The following ARHGEF12 variants were observed in gnomAD, a reference collection of about 807,000 sequenced individuals.
ARHGEF12 encodes Rho guanine nucleotide exchange factor 12, also known as KMT2A/ARHGEF12 fusion protein.
ARHGEF12 carries 66 observed loss-of-function variants against 211.2 expected under a neutral mutation model. The ratio of observed to expected loss-of-function variants is 0.31; its 90% confidence interval spans 0.26 to 0.38. The LOEUF (loss-of-function observed/expected upper bound fraction) is 0.38, where lower values mean the gene tolerates loss of function less well. Among genes scored for constraint, ARHGEF12 ranks in the 10% least tolerant of loss-of-function variants. ARHGEF12 has a pLI of 1.00. For synonymous variants in ARHGEF12, 592 were observed against 638.4 expected, an observed-to-expected ratio of 0.93 and a Z score of 1.09; for missense variants, 1,429 against 1,869.5, an observed-to-expected ratio of 0.76 and a Z score of 4.34.
chr11:120,358,354 G>C lies in ARHGEF12; in HGVS notation c.32+21079G>C, dbSNP rs567210191. On this transcript the variant is annotated intron_variant, in intron 1 of 40. Transcript: ENST00000397843. ...GTCAAAGTGTGGGGCTTTCTGGGTT[G>C]TGTCCTTGGGTAGGGGTTGGTAATA... 2.1e-3 allele frequency among the ~76,000 whole-genome samples: 313 copies of C among 152,262 alleles called. 1 individual carries two copies. Among genetic ancestry groups the C allele is most frequent in the Non-Finnish European group, 3.5e-3 (240 of 68,026 alleles).
At chr11:120,371,438 A>G (rs767968924) in intron 1 of ARHGEF12, among the ~76,000 whole-genome samples, 8 of 152,236 alleles carry the variant, frequency 5.3e-5, no homozygotes, top group Non-Finnish European at 8.8e-5. Flanking sequence ...CTGTGAGCTG[A>G]GATCGTGCCA....
At chr11:120,347,169 TTC>T (rs1565417088) in intron 1 of ARHGEF12, among the ~76,000 whole-genome samples, 4 of 77,844 alleles carry the variant, frequency 5.1e-5, no homozygotes, top group East Asian at 7.6e-4. Flanking sequence ...CCTTCCTTCC[TTC>T]CTTCCTTCCT....
At chr11:120,459,789 A>G (rs925308038) in intron 26 of ARHGEF12, among the ~76,000 whole-genome samples, 2 of 152,026 alleles carry the variant, frequency 1.3e-5, no homozygotes, top group African/African-American at 2.4e-5. Context: ...GCTCACTGCA[A>G]CCTCTGCCCC....
chr11:120,417,928 A>G (rs1272691378), intron 4 of ARHGEF12, among the ~76,000 whole-genome samples: 2 of 152,202 alleles, frequency 1.3e-5, no homozygotes, highest in Non-Finnish European at 1.5e-5. Context: ...CAGATAACAA[A>G]GGTTGAATTC....
intron 1 of ARHGEF12, among the ~76,000 whole-genome samples, chr11:120,351,437 ATATATATATATATATATATTTTTTTTTT>A (rs1284477133): frequency 9.1e-4 from 3 of 3,292 alleles, no homozygotes; most frequent in African/African-American, 5.6e-3. Context: ...ATATATATAT[ATATATATATATATATATATTTTTTTTTT>A]TTTTTTTTTT....
intron 1 of ARHGEF12, among the ~76,000 whole-genome samples, chr11:120,383,184 G>A (rs930398294): frequency 1.3e-5 from 2 of 151,988 alleles, no homozygotes; most frequent in Non-Finnish European, 2.9e-5. Context: ...CCAGGTGTTG[G>A]TGAAGGCAGC....
At chr11:120,416,667 T>C (rs952189991) in intron 4 of ARHGEF12, among the ~76,000 whole-genome samples, 1 of 152,230 alleles carries the variant, frequency 6.6e-6, no homozygotes, top group African/African-American at 2.4e-5. Flanking sequence ...GATCCTCTTT[T>C]TTTTTTGAGA....
intron 29 of ARHGEF12, 49 bp downstream of exon 29, chr11:120,467,357 A>G (rs745505498): frequency 3.6e-6 from 4 of 1,116,620 alleles, no homozygotes; most frequent in East Asian, 2.4e-5. Flanking sequence ...CAACAACGAA[A>G]CACCCAATAT....
At chr11:120,442,344 G>T in intron 15 of ARHGEF12, 142 bp downstream of exon 15, 7 of 512,748 alleles carry the variant, frequency 1.4e-5, no homozygotes, top group South Asian at 6.7e-5. Flanking sequence ...GATTACTCTA[G>T]ACTTTTTTTT....
intron 37 of ARHGEF12, among the ~76,000 whole-genome samples, 166 bp from the exon 38 acceptor site, chr11:120,479,794 G>A (rs1282973410): frequency 1.3e-5 from 2 of 152,152 alleles, no homozygotes; most frequent in African/African-American, 2.4e-5. Flanking sequence ...GAAAATGATT[G>A]TATGAAGTAA....
chr11:120,399,915 TATTAGAC>T (rs955668124), intron 1 of ARHGEF12, among the ~76,000 whole-genome samples: 7 of 99,714 alleles, frequency 7.0e-5, no homozygotes, highest in Non-Finnish European at 1.5e-4. Context: ...AGTAAAATAT[TATTAGAC>T]AGTATTTTTT....
intron 1 of ARHGEF12, among the ~76,000 whole-genome samples, chr11:120,353,787 C>G (rs1565422754): frequency 6.6e-6 from 1 of 152,054 alleles, no homozygotes; most frequent in South Asian, 2.1e-4. Flanking sequence ...ACACTGGGTT[C>G]CTCCCCTGAC....
chr11:120,377,932 C>A (rs1367431028), intron 1 of ARHGEF12, among the ~76,000 whole-genome samples: 1 of 151,650 alleles, frequency 6.6e-6, no homozygotes, highest in Non-Finnish European at 1.5e-5. Flanking sequence ...TTAAAAAATT[C>A]TTTTATTTAT....
chr11:120,375,950 G>C (rs977206773), intron 1 of ARHGEF12, among the ~76,000 whole-genome samples: 1 of 151,978 alleles, frequency 6.6e-6, no homozygotes, highest in Non-Finnish European at 1.5e-5. Context: ...TTTTTCTTAC[G>C]ATTTGACTGG....
At chr11:120,431,459 T>G (rs1945530523) in intron 10 of ARHGEF12, among the ~76,000 whole-genome samples, 1 of 152,170 alleles carries the variant, frequency 6.6e-6, no homozygotes, top group African/African-American at 2.4e-5. Context: ...ACAATATAAA[T>G]TATATAAATA....
At chr11:120,409,804 A>T (rs966246345) in intron 4 of ARHGEF12, 6 of 182,746 alleles carry the variant, frequency 3.3e-5, no homozygotes, top group Non-Finnish European at 6.8e-5. Flanking sequence ...CCCACATCTC[A>T]TTTGCAGAGT....
At chr11:120,360,026 A>G (rs1299807641) in intron 1 of ARHGEF12, among the ~76,000 whole-genome samples, 2 of 152,192 alleles carry the variant, frequency 1.3e-5, no homozygotes, top group African/African-American at 4.8e-5. Context: ...CTGAGGAGAC[A>G]AGTTTGGGAA....
intron 39 of ARHGEF12, 81 bp from the exon 40 acceptor site, chr11:120,484,357 C>T (rs1947341977): frequency 6.2e-6 from 8 of 1,283,026 alleles, no homozygotes; most frequent in Non-Finnish European, 8.8e-6. Context: ...GTAAAAAGGG[C>T]TTCTTTTCTG....
chr11:120,383,707 T>C (rs543924342), intron 1 of ARHGEF12, among the ~76,000 whole-genome samples: 1 of 152,290 alleles, frequency 6.6e-6, no homozygotes, highest in South Asian at 2.1e-4. Context: ...TAAATACAGC[T>C]GAAGCTTCAC....
Sources: gnomAD v4.1 joint callset for allele counts (sites outside exome capture counted in the v4.1 genomes callset) on GRCh38, gnomAD v4.1.1 for gene constraint, MANE v1.5 for transcripts, NCBI Gene and HGNC (gene_info 2026-07-23, HGNC 2026-07-21) for gene names.